The following ADCY5 variants were observed in gnomAD, a reference collection of about 807,000 sequenced individuals.
ADCY5 encodes adenylate cyclase 5, also known as adenylate cyclase type 5.
Under a neutral mutation model 119.7 loss-of-function variants are expected in ADCY5, and 30 were observed. That is an observed-to-expected ratio of 0.25 (90% CI 0.19 to 0.34). The LOEUF (loss-of-function observed/expected upper bound fraction) is 0.34. ADCY5 is among the 10% of genes least tolerant of loss of function. ADCY5 has a pLI of 1.00. For missense variants in ADCY5, 1,324 were observed against 1,775.2 expected, an observed-to-expected ratio of 0.75 and a Z score of 4.57; for synonymous variants, 753 against 762.2, an observed-to-expected ratio of 0.99 and a Z score of 0.20.
intron 1 of ADCY5, among the ~76,000 whole-genome samples, chr3:123,411,150 G>C (rs1279429241): frequency 1.3e-5 from 2 of 152,092 alleles, no homozygotes; most frequent in African/African-American, 4.8e-5. Flanking sequence ...CTTCTTCCTT[G>C]CCCTGTGCCT....
intron 1 of ADCY5, among the ~76,000 whole-genome samples, chr3:123,368,270 TGGAGGGCTGAGAAGTAGATG>T (rs1439790314): frequency 2.6e-5 from 4 of 152,240 alleles, no homozygotes; most frequent in South Asian, 4.1e-4. Context: ...ATTAGAGATC[TGGAGGGCTGAGAAGTAGATG>T]GGAGGGCTGA....
At position 123,448,368 on chromosome 3, in the gene ADCY5, C is replaced by A. The variant is rs1221350025; in HGVS notation, c.178G>T (p.Ala60Ser). 5 of 1,485,796 alleles carry A rather than the reference C, an allele frequency of 3.4e-6. No individual in the cohort carries two copies. Among genetic ancestry groups the A allele is most frequent in the Non-Finnish European group, 3.5e-6 (4 of 1,128,848 alleles). 92.0% of individuals were successfully genotyped at this position (1,485,796 alleles called of 1,614,324 possible). The change falls in exon 1 of 21, where the codon GCG becomes TCG. Residue 60 changes from alanine to serine, a missense_variant. Physicochemically the swap from Ala to Ser is moderately conservative, Grantham distance 99. Around this residue, in one of 6 missense-constraint regions of ADCY5, gnomAD observed 585 missense variants for 569.9 expected, o/e 1.03. Coordinates refer to ENST00000462833, the MANE Select transcript of ADCY5 (RefSeq NM_183357.3). ...CGCTGCTGCTGCTGCGGGGTCACCG[C>A]CCCCCCGGGTTTCTTGGTGGAGCCG... ...ARGSTKKPGG[A>S]VTPQQQQRLA...
Position 123,397,362 on chromosome 3 carries a change from G to A in ADCY5, c.1135-44781C>T, listed in dbSNP as rs770771611. Reference sequence around the variant, plus strand: ...CCTTAATCACCATGGCTGGCCAGGCGCAGTGGCTCACGCCTGTGATCCCAA... The same window carrying A: ...CCTTAATCACCATGGCTGGCCAGGCACAGTGGCTCACGCCTGTGATCCCAA... On this transcript the variant is annotated intron_variant, in intron 1 of 20. Coordinates refer to ENST00000462833, the MANE Select transcript of ADCY5 (RefSeq NM_183357.3). Among the ~76,000 whole-genome samples, 23 of 152,346 alleles carry A rather than the reference G, an allele frequency of 1.5e-4. 1 individual carries two copies. The South Asian group carries it at 2.3e-3, about 15-fold the overall frequency.
intron 2 of ADCY5, among the ~76,000 whole-genome samples, chr3:123,351,186 G>A (rs1372294845): frequency 6.6e-6 from 1 of 152,078 alleles, no homozygotes; most frequent in South Asian, 2.1e-4. Context: ...GACAGGTGGG[G>A]ACTGGGGGGC....
intron 1 of ADCY5, among the ~76,000 whole-genome samples, chr3:123,391,701 A>G (rs1944405524): frequency 6.6e-6 from 1 of 152,174 alleles, no homozygotes; most frequent in South Asian, 2.1e-4. Context: ...GGTTCCTGTT[A>G]GGTCAGAGTA....
At chr3:123,310,399 AGAGGGAAGGGGCTGCACTCAG>A (rs879312584) in intron 12 of ADCY5, among the ~76,000 whole-genome samples, 2 of 152,126 alleles carry the variant, frequency 1.3e-5, no homozygotes, top group Admixed American at 1.3e-4. Flanking sequence ...AGCTGGCCAA[AGAGGGAAGGGGCTGCACTCAG>A]GAGCTGTGAG....
chr3:123,407,902 G>A (rs1034225350), intron 1 of ADCY5, among the ~76,000 whole-genome samples: 1 of 151,766 alleles, frequency 6.6e-6, no homozygotes, highest in African/African-American at 2.4e-5. Context: ...CAGGGGCTGA[G>A]GGGAGGAGGA....
At chr3:123,421,927 C>A (rs1945311417) in intron 1 of ADCY5, among the ~76,000 whole-genome samples, 1 of 152,170 alleles carries the variant, frequency 6.6e-6, no homozygotes, top group Non-Finnish European at 1.5e-5. Flanking sequence ...TGGCCTGGAG[C>A]CAGCCCCTCA....
chr3:123,448,040 G>T lies in ADCY5; in HGVS notation c.506C>A (p.Ala169Glu). Reference protein sequence around the residue: ...GLEERRGKGRAADELEAGAVE... With the variant: ...GLEERRGKGREADELEAGAVE... ...GGCGCCGGCCTCCAGCTCGTCGGCC[G>T]CGCGCCCCTTGCCCCGCCGCTCCTC... Residue 169 changes from alanine to glutamate, a missense_variant, in exon 1 of 21, where the codon GCG (alanine) becomes GAG (glutamate). Around this residue, in one of 6 missense-constraint regions of ADCY5, gnomAD observed 585 missense variants for 569.9 expected, o/e 1.03. Coordinates refer to ENST00000462833, the MANE Select transcript of ADCY5 (RefSeq NM_183357.3). 8.0e-7 allele frequency: 1 copy of T among 1,245,786 alleles called. No homozygotes were observed. Among genetic ancestry groups the T allele is most frequent in the South Asian group, 3.0e-5 (1 of 33,340 alleles). 77.2% of individuals were successfully genotyped at this position (1,245,786 alleles called of 1,614,324 possible). A position where few individuals can be genotyped will look rare whatever the true frequency, so the allele number is the denominator to read the frequency against.
chr3:123,354,797 A>C (rs1942981013), intron 1 of ADCY5, among the ~76,000 whole-genome samples: 1 of 152,254 alleles, frequency 6.6e-6, no homozygotes, highest in African/African-American at 2.4e-5. Flanking sequence ...AGGCTAGTTC[A>C]ACTTCAAAAA....
Position 123,422,462 on chromosome 3 carries a change from C to T in ADCY5, c.1134+24950G>A, listed in dbSNP as rs564637104. Among the ~76,000 whole-genome samples the T allele has an allele frequency of 5.3e-5, 8 of 152,332 alleles. No individual in the cohort carries two copies. In the South Asian group the frequency reaches 1.7e-3, roughly 32 times the overall value. ...AATAGCTCCAAGTGCTAGATGGAGA[C>T]ACTGAGGGTCAGACAGTTGCCATCA... On this transcript the variant is annotated intron_variant, in intron 1 of 20. Coordinates refer to ENST00000462833, the MANE Select transcript of ADCY5 (RefSeq NM_183357.3).
At chr3:123,308,028 C>CT (rs1178147327) in intron 12 of ADCY5, among the ~76,000 whole-genome samples, 13,482 of 85,816 alleles carry the variant, frequency 0.16, 1,571 homozygotes, top group Middle Eastern at 0.2. Context: ...TTTTCATGCT[C>CT]TTTTTTTTTT....
chr3:123,345,557 T>C (rs1296260906), intron 3 of ADCY5, among the ~76,000 whole-genome samples: 2 of 152,050 alleles, frequency 1.3e-5, no homozygotes, highest in Non-Finnish European at 2.9e-5. Flanking sequence ...GTGACTTGGC[T>C]CGTATATGTT....
intron 1 of ADCY5, chr3:123,416,107 TG>T: frequency 6.7e-7 from 1 of 1,500,066 alleles, no homozygotes; most frequent in Non-Finnish European, 9.0e-7. Flanking sequence ...TCCAAGAAGG[TG>T]GAAGGGCAAA....
At chr3:123,380,684 G>A (rs959769876) in intron 1 of ADCY5, among the ~76,000 whole-genome samples, 2 of 152,224 alleles carry the variant, frequency 1.3e-5, no homozygotes, top group East Asian at 1.9e-4. Context: ...ACCTGTCTGT[G>A]CCTCAGCTGC....
intron 1 of ADCY5, among the ~76,000 whole-genome samples, chr3:123,446,444 T>G (rs564463856): frequency 7.2e-5 from 11 of 152,200 alleles, no homozygotes; most frequent in African/African-American, 2.6e-4. Context: ...TGGAGCAGCA[T>G]GCAAACAAGC....
chr3:123,401,186 A>G (rs1944741052), intron 1 of ADCY5, among the ~76,000 whole-genome samples: 1 of 152,146 alleles, frequency 6.6e-6, no homozygotes, highest in African/African-American at 2.4e-5. Context: ...ATAATTTTGA[A>G]AAACTTACAT....
intron 1 of ADCY5, among the ~76,000 whole-genome samples, chr3:123,401,719 T>A (rs937195386): frequency 6.6e-6 from 1 of 152,112 alleles, no homozygotes; most frequent in East Asian, 1.9e-4. Context: ...CAGGAACTTT[T>A]CCCCAAACTT....
At position 123,320,352 on chromosome 3, in the gene ADCY5, G is replaced by A. The variant is rs143004693; in HGVS notation, c.2111+397C>T. On this transcript the variant is annotated intron_variant, in intron 9 of 20. Transcript: ENST00000462833. ...GTTTCTCAGGGTGGAGCCCAGTCCT[G>A]GAGTGGAATTTCTGACAGTCCTGAG... 1.5e-3 allele frequency among the ~76,000 whole-genome samples: 233 copies of A among 152,330 alleles called. 1 individual carries two copies. The highest frequency in any genetic ancestry group is 5.4e-3 in the African/African-American group (226 of 41,576).
Sources: gnomAD v4.1 joint callset for allele counts (sites outside exome capture counted in the v4.1 genomes callset) on GRCh38, gnomAD v4.1.1 for gene constraint, gnomAD v4.1.1 regional missense constraint, MANE v1.5 for transcripts, NCBI Gene and HGNC (gene_info 2026-07-23, HGNC 2026-07-21) for gene names.